The following SEMA3D variants were observed in gnomAD, a reference collection of about 807,000 sequenced individuals.
The protein encoded by SEMA3D is semaphorin-3D.
A neutral mutation model predicts 100.1 loss-of-function variants in SEMA3D; 84 were observed. That is an observed-to-expected ratio of 0.84 (90% CI 0.70 to 1.01). The LOEUF (loss-of-function observed/expected upper bound fraction) is 1.01. Among genes scored for constraint, SEMA3D ranks in the 50% least tolerant of loss-of-function variants. The pLI is 0.00. For missense variants in SEMA3D, 875 were observed against 934.1 expected, an observed-to-expected ratio of 0.94 and a Z score of 0.82; for synonymous variants, 312 against 320.7, an observed-to-expected ratio of 0.97 and a Z score of 0.29.
At chr7:85,015,359 T>C (rs932692741) in intron 15 of SEMA3D, 143 bp from the exon 16 acceptor site, 2 of 636,704 alleles carry the variant, frequency 3.1e-6, no homozygotes, top group Admixed American at 3.0e-5. Flanking sequence ...AGAAACATAA[T>C]GAGGAGTAAA....
At chr7:85,093,383 G>T (rs1220952999) in intron 4 of SEMA3D, among the ~76,000 whole-genome samples, 1 of 151,904 alleles carries the variant, frequency 6.6e-6, no homozygotes, top group Non-Finnish European at 1.5e-5. Flanking sequence ...TATAAGTGAT[G>T]ATCTATTGTT....
intron 4 of SEMA3D, among the ~76,000 whole-genome samples, chr7:85,083,704 G>C (rs1378696277): frequency 7.4e-5 from 11 of 149,102 alleles, no homozygotes; most frequent in South Asian, 4.3e-4. Flanking sequence ...AAAATTAGCC[G>C]GGCGTGGTGG....
At chr7:85,203,641 G>A in the SEMA3D span, among the ~76,000 whole-genome samples, 1 of 152,138 alleles carries the variant, frequency 6.6e-6, no homozygotes, top group Non-Finnish European at 1.5e-5. Flanking sequence ...AATGTCAGCA[G>A]TGTTAAAGGG....
intron 9 of SEMA3D, among the ~76,000 whole-genome samples, chr7:85,052,616 T>C (rs1168287877): frequency 6.6e-6 from 1 of 152,000 alleles, no homozygotes; most frequent in African/African-American, 2.4e-5. Context: ...CTTCATACAA[T>C]GTTTTTGGGC....
rs184335734 is a variant in SEMA3D at position 85,011,027 on chromosome 7, A to G, written c.1768+1755T>C. Among the ~76,000 whole-genome samples the G allele has an allele frequency of 2.6e-5, 4 of 151,952 alleles. No individual in the cohort carries two copies. The East Asian group carries it at 5.8e-4, about 22-fold the overall frequency. The stretch of plus-strand genomic sequence containing the variant: ...TACAAGGGCACATAGGTATGCTGGA[A>G]TATCATTTCTCTGAAAACAAAACAA... On this transcript the variant is annotated intron_variant, in intron 17 of 18. Transcript: ENST00000284136.
intron 4 of SEMA3D, among the ~76,000 whole-genome samples, chr7:85,086,291 G>T (rs1459533718): frequency 6.6e-6 from 1 of 151,958 alleles, no homozygotes; most frequent in Non-Finnish European, 1.5e-5. Context: ...ATTATGATTT[G>T]TGGTGGATTT....
intron 12 of SEMA3D, among the ~76,000 whole-genome samples, chr7:85,025,848 A>G (rs960410939): frequency 1.3e-4 from 20 of 152,052 alleles, no homozygotes; most frequent in African/African-American, 4.8e-4. Flanking sequence ...CGGGGCAAAC[A>G]TACAGAGGTA....
At chr7:85,194,918 C>T in the SEMA3D span, among the ~76,000 whole-genome samples, 177 of 152,060 alleles carry the variant, frequency 1.2e-3, no homozygotes, top group African/African-American at 3.7e-3. Flanking sequence ...GGATTAGGTT[C>T]CACCCATATG....
chr7:85,111,528 T>G (rs1789094145), intron 3 of SEMA3D, among the ~76,000 whole-genome samples: 1 of 152,114 alleles, frequency 6.6e-6, no homozygotes, highest in African/African-American at 2.4e-5. Context: ...TGGCTCTATC[T>G]TTGTGTATCC....
At chr7:85,061,398 C>T (rs192377933) in intron 8 of SEMA3D, among the ~76,000 whole-genome samples, 2 of 152,096 alleles carry the variant, frequency 1.3e-5, no homozygotes, top group African/African-American at 2.4e-5. Flanking sequence ...CATAATATGC[C>T]ATGCACACCT....
At chr7:85,148,410 G>A (rs1790275716) in intron 2 of SEMA3D, among the ~76,000 whole-genome samples, 1 of 152,160 alleles carries the variant, frequency 6.6e-6, no homozygotes, top group Non-Finnish European at 1.5e-5. Context: ...ACATCATCTA[G>A]TTCAAGGACT....
chr7:85,113,554 C>T (rs1261346518), intron 3 of SEMA3D, among the ~76,000 whole-genome samples: 1 of 150,662 alleles, frequency 6.6e-6, no homozygotes, highest in African/African-American at 2.5e-5. Context: ...GGGCAGATCA[C>T]GAGATCAAGA....
At chr7:85,023,946 T>G (rs1471686466) in intron 12 of SEMA3D, among the ~76,000 whole-genome samples, 1 of 151,960 alleles carries the variant, frequency 6.6e-6, no homozygotes, top group Non-Finnish European at 1.5e-5. Context: ...GGATATTTAG[T>G]TATTTGTCCC....
the SEMA3D span, among the ~76,000 whole-genome samples, chr7:85,235,466 ATAAC>A: frequency 6.6e-6 from 1 of 152,184 alleles, no homozygotes; most frequent in African/African-American, 2.4e-5. Context: ...ATTTCACCAT[ATAAC>A]TAAGTCTTAT....
At chr7:85,006,140 G>A (rs1285319087) in intron 18 of SEMA3D, among the ~76,000 whole-genome samples, 1 of 151,990 alleles carries the variant, frequency 6.6e-6, no homozygotes, top group Non-Finnish European at 1.5e-5. Flanking sequence ...ACAGTTGTAA[G>A]AGCCTCTTTT....
chr7:85,143,598 T>C (rs544065827), intron 2 of SEMA3D, among the ~76,000 whole-genome samples: 1 of 152,286 alleles, frequency 6.6e-6, no homozygotes, highest in South Asian at 2.1e-4. Context: ...GGGAACACCA[T>C]CCTATGTGTA....
intron 17 of SEMA3D, among the ~76,000 whole-genome samples, chr7:85,011,394 A>G (rs1156882733): frequency 3.3e-5 from 5 of 151,848 alleles, no homozygotes. Context: ...AGTGGGTTAT[A>G]GCATGAATAG....
chr7:85,115,925 AGCAATGTTT>A (rs1789227558), intron 3 of SEMA3D, among the ~76,000 whole-genome samples: 2 of 152,150 alleles, frequency 1.3e-5, no homozygotes, highest in South Asian at 4.1e-4. Flanking sequence ...CTCTTGCATT[AGCAATGTTT>A]CCAAGCTTAA....
chr7:85,121,110 G>A lies in SEMA3D; in HGVS notation c.151+631C>T, dbSNP rs189509926. Among the ~76,000 whole-genome samples, 1,134 of 152,086 alleles carry A rather than the reference G, an allele frequency of 7.5e-3. 11 individuals carry two copies. Among genetic ancestry groups the A allele is most frequent in the Non-Finnish European group, 8.9e-3 (602 of 67,994 alleles). On this transcript the variant is annotated intron_variant, in intron 3 of 18. Coordinates refer to ENST00000284136, the MANE Select transcript of SEMA3D (RefSeq NM_001384900.1). The stretch of plus-strand genomic sequence containing the variant: ...ATTTCTTGAGGTATTAATGAAGCCC[G>A]GAGTACATCAAAAAGGAAAACTAAA...
Sources: gnomAD v4.1 joint callset for allele counts (sites outside exome capture counted in the v4.1 genomes callset) on GRCh38, gnomAD v4.1.1 for gene constraint, MANE v1.5 for transcripts, NCBI Gene and HGNC (gene_info 2026-07-23, HGNC 2026-07-21) for gene names.